ALKBH8: variants seen among roughly 807,000 people sequenced by gnomAD.
The protein encoded by ALKBH8 is alkB homolog 8, tRNA methyltransferase, also known as tRNA (carboxymethyluridine(34)-5-O)-methyltransferase ALKBH8.
A neutral mutation model predicts 59.8 loss-of-function variants in ALKBH8; 36 were observed. The ratio of observed to expected loss-of-function variants is 0.60; its 90% confidence interval spans 0.46 to 0.79. The LOEUF (loss-of-function observed/expected upper bound fraction) is 0.79. Ranked by LOEUF, ALKBH8 falls within the 30% of genes least tolerant of loss-of-function variation. The pLI is 0.00. For synonymous variants in ALKBH8, 276 were observed against 273.6 expected (o/e 1.01, Z -0.09); for missense variants, 768 against 801.0 (o/e 0.96, Z 0.50).
chr11:107,534,760 T>TTA (rs1307208709), intron 7 of ALKBH8, among the ~76,000 whole-genome samples: 1 of 151,690 alleles, frequency 6.6e-6, no homozygotes, highest in African/African-American at 2.4e-5. Flanking sequence ...TCCTCATCTT[T>TTA]TTTTTTTTTC....
chr11:107,506,222 C>T (rs1862378160), intron 11 of ALKBH8, among the ~76,000 whole-genome samples: 1 of 152,118 alleles, frequency 6.6e-6, no homozygotes, highest in Non-Finnish European at 1.5e-5. Context: ...AAATCATCCC[C>T]AATAAAGCAT....
rs1025778213 is a variant in ALKBH8, at chr11:107,556,916, C to A, written c.217G>T (p.Ala73Ser). 3 of 1,612,692 alleles carry A rather than the reference C, an allele frequency of 1.9e-6. No homozygotes were observed. The highest frequency in any genetic ancestry group is 2.7e-5 in the African/African-American group (2 of 74,848). The change falls in exon 3 of 12, where the codon GCT becomes TCT. Residue 73 changes from alanine (A) to serine (S), a missense_variant. Physicochemically the swap from Ala to Ser is moderately conservative, Grantham distance 99 (BLOSUM62 1). Transcript: ENST00000428149. ...PVLEKCGLVDALLMPPNKPYS... is the reference protein window; with the variant it reads ...PVLEKCGLVDSLLMPPNKPYS... ...GGCTTGTTAGGTGGCATTAAGAGAG[C>A]ATCCACCAGTCCACATTTCTCTAAA... is the stretch of plus-strand genomic sequence containing the variant.
At position 107,522,319 on chromosome 11, in the gene ALKBH8, T is replaced by G; in HGVS notation, c.1267A>C (p.Ile423Leu). 6.4e-7 allele frequency: 1 copy of G among 1,551,674 alleles called. No individual in the cohort carries two copies. Among genetic ancestry groups the G allele is most frequent in the South Asian group, 1.2e-5 (1 of 84,058 alleles). Residue 423 changes from isoleucine (I) to leucine (L), a missense_variant, in exon 10 of 12, where the codon ATC becomes CTC. Physicochemically the swap from Ile to Leu is conservative, Grantham distance 5 (BLOSUM62 2). Coordinates refer to ENST00000428149, the MANE Select transcript of ALKBH8 (RefSeq NM_138775.3). ...IGCGNGKYLG[I>L]NKELYMIGCD... is the part of the protein sequence containing the mutation. ...CTTGCCATATATAACTCCTTATTGA[T>G]GCCAAGATACTTTCCATTACCACAT...
At position 107,507,899 on chromosome 11, in the gene ALKBH8, C is replaced by A. The variant is rs138161233; in HGVS notation, c.1438-2684G>T. Among the ~76,000 whole-genome samples, 363 of 152,228 alleles carry A rather than the reference C, an allele frequency of 2.4e-3. 4 individuals are homozygous for A. Among genetic ancestry groups the A allele is most frequent in the South Asian group, 0.018 (87 of 4,822 alleles). ...TTTCCACATAAAATCTTATCTTCTA[C>A]CCTATATCATCTTTCACAGTGCCAT... On this transcript the variant is annotated intron_variant, in intron 11 of 11. Transcript: ENST00000428149.
rs577135985 is a variant in ALKBH8, at chr11:107,504,978, G to C, written c.1675C>G (p.Arg559Gly). 1.3e-6 allele frequency: 2 copies of C among 1,551,584 alleles called. No homozygotes were observed. The highest frequency in any genetic ancestry group is 1.7e-6 in the Non-Finnish European group (2 of 1,146,800). ...CCTCCTTCCTGAGAGTCATTAATGCGGGGGACAGAAGATGCCGAGTCTCGA... is the reference window on the plus strand; with the variant it reads ...CCTCCTTCCTGAGAGTCATTAATGCCGGGGACAGAAGATGCCGAGTCTCGA... ...GSRDSASSVP[R>G]INDSQEGGCN... Residue 559 changes from arginine (R) to glycine (G), a missense_variant, in exon 12 of 12, where the codon CGC (arginine) becomes GGC (glycine). Arg to Gly is a moderately radical substitution (Grantham distance 125, BLOSUM62 -2). Transcript: ENST00000428149.
intron 10 of ALKBH8, among the ~76,000 whole-genome samples, chr11:107,513,763 A>T (rs1046824055): frequency 6.6e-6 from 1 of 152,216 alleles, no homozygotes; most frequent in Non-Finnish European, 1.5e-5. Context: ...CCTGGAGGCC[A>T]TTACCCTAAG....
intron 6 of ALKBH8, 30 bp from the exon 7 acceptor site, chr11:107,549,853 T>A: frequency 6.8e-7 from 1 of 1,467,114 alleles, no homozygotes; most frequent in Non-Finnish European, 9.3e-7. Flanking sequence ...AACACGTCAC[T>A]TCATTTTTTC....
rs145855865 is a variant in ALKBH8, at chr11:107,522,637, A to T, written c.1031-82T>A. The T allele has an allele frequency of 1.5e-4, 216 of 1,418,310 alleles. 2 individuals carry two copies. In the East Asian group the frequency reaches 5.0e-3, roughly 33 times the overall value. The allele number at this position is 1,418,310 out of a possible 1,614,324, so 87.9% of individuals were successfully genotyped here. A position where few individuals can be genotyped will look rare whatever the true frequency, so the allele number is the denominator to read the frequency against. The stretch of plus-strand genomic sequence containing the variant: ...CAAGTTTTCTTAAATGAAAAAAAAA[A>T]ATCAATGCAAATTTGGTGGGTAGAC... On this transcript the variant is annotated intron_variant, in intron 9 of 11. Transcript: ENST00000428149.
chr11:107,565,453 A>T, intron 1 of ALKBH8, 148 bp downstream of exon 1: 1 of 1,098,952 alleles, frequency 9.1e-7, no homozygotes, highest in Admixed American at 2.1e-5. Flanking sequence ...TACTGCCCAC[A>T]CTGCACCAAG....
chr11:107,529,188 CT>C (rs1397349813), intron 8 of ALKBH8, among the ~76,000 whole-genome samples: 1 of 152,110 alleles, frequency 6.6e-6, no homozygotes, highest in Non-Finnish European at 1.5e-5. Flanking sequence ...CTCCAATTTC[CT>C]TCAAAAATAA....
chr11:107,540,551 T>C (rs1439551777), intron 7 of ALKBH8, among the ~76,000 whole-genome samples: 1 of 152,254 alleles, frequency 6.6e-6, no homozygotes, highest in Non-Finnish European at 1.5e-5. Flanking sequence ...GGAGACACTT[T>C]AGCCACCATT....
chr11:107,560,584 T>C (rs1036134296), intron 2 of ALKBH8, among the ~76,000 whole-genome samples, 181 bp downstream of exon 2: 1 of 152,132 alleles, frequency 6.6e-6, no homozygotes, highest in South Asian at 2.1e-4. Context: ...TAAATAGAAA[T>C]GCAAACTATA....
chr11:107,531,716 T>G (rs1450114615), intron 8 of ALKBH8, among the ~76,000 whole-genome samples: 1 of 152,212 alleles, frequency 6.6e-6, no homozygotes. Flanking sequence ...TTGGCCAACT[T>G]TTTCTGTAAG....
At chr11:107,546,581 G>A (rs958121884) in intron 7 of ALKBH8, among the ~76,000 whole-genome samples, 1 of 152,108 alleles carries the variant, frequency 6.6e-6, no homozygotes, top group East Asian at 1.9e-4. Flanking sequence ...TTACCGACCT[G>A]AGCCAACAAG....
At chr11:107,565,211 T>A (rs1332090833) in intron 1 of ALKBH8, 1 of 238,404 alleles carries the variant, frequency 4.2e-6, no homozygotes, top group Non-Finnish European at 8.2e-6. Context: ...ACAGGAAGAC[T>A]CAGCTGCGCA....
At position 107,504,663 on chromosome 11, in the gene ALKBH8, C is replaced by T; in HGVS notation, c.1990G>A (p.Ala664Thr). Residue 664 changes from alanine (A) to threonine (T), a missense_variant, in exon 12 of 12, where the codon GCC becomes ACC. Ala to Thr is a moderately conservative substitution (Grantham distance 58). Coordinates refer to ENST00000428149, the MANE Select transcript of ALKBH8 (RefSeq NM_138775.3). ...QGNWCVILQKA is the reference protein window; with the variant it reads ...QGNWCVILQKT ...TGATGTGTTCAGGTAAATAATCAGG[C>T]CTTTTGAAGAATCACACACCAGTTT... The T allele has an allele frequency of 4.5e-6, 7 of 1,544,342 alleles. No individual in the cohort carries two copies. The highest frequency in any genetic ancestry group is 6.1e-6 in the Non-Finnish European group (7 of 1,144,206).
In ALKBH8 at chr11:107,556,251, C is replaced by T. The variant is rs552011783; in HGVS notation, c.367+515G>A. Among the ~76,000 whole-genome samples the T allele has an allele frequency of 2.6e-5, 4 of 151,934 alleles. No individual in the cohort carries two copies. In the East Asian group the frequency reaches 7.7e-4, roughly 29 times the overall value. ...CGAGATTGTGCCATTGCACTCCAGC[C>T]TGGGCAACAAGAGCAAAACTCTGTC... On this transcript the variant is annotated intron_variant, in intron 3 of 11. Coordinates refer to ENST00000428149, the MANE Select transcript of ALKBH8 (RefSeq NM_138775.3).
intron 1 of ALKBH8, among the ~76,000 whole-genome samples, chr11:107,561,394 G>A (rs1156463570): frequency 6.6e-6 from 1 of 151,178 alleles, no homozygotes; most frequent in Non-Finnish European, 1.5e-5. Context: ...AAAAAAAAAA[G>A]CAAGGAAATT....
intron 7 of ALKBH8, among the ~76,000 whole-genome samples, chr11:107,537,564 G>T (rs945698725): frequency 5.9e-5 from 9 of 152,024 alleles, no homozygotes; most frequent in African/African-American, 1.9e-4. Context: ...GGAGGGGGTG[G>T]TGGGGGAAGG....
Sources: allele counts gnomAD v4.1 joint callset (sites outside exome capture counted in the v4.1 genomes callset), GRCh38; gene constraint gnomAD v4.1.1; transcripts MANE v1.5; gene names NCBI Gene and HGNC (gene_info 2026-07-23, HGNC 2026-07-21).